ANTXR2: variants seen among roughly 807,000 people sequenced by gnomAD.
ANTXR2 encodes anthrax toxin receptor 2.
ANTXR2 carries 44 observed loss-of-function variants against 73.7 expected under a neutral mutation model. That is an observed-to-expected ratio of 0.60 (90% CI 0.47 to 0.77). The LOEUF (loss-of-function observed/expected upper bound fraction) is 0.77, where lower values mean the gene tolerates loss of function less well. Ranked by LOEUF, ANTXR2 falls within the 30% of genes least tolerant of loss-of-function variation. ANTXR2 has a pLI of 0.00. For missense variants in ANTXR2, 604 were observed against 592.5 expected (o/e 1.02, Z -0.20); for synonymous variants, 217 against 205.9 (o/e 1.05, Z -0.46).
At chr4:79,989,266 A>G (rs1287900857) in intron 12 of ANTXR2, among the ~76,000 whole-genome samples, 1 of 152,110 alleles carries the variant, frequency 6.6e-6, no homozygotes, top group Non-Finnish European at 1.5e-5. Context: ...TAAATAAAAA[A>G]AAGAAGATCC....
chr4:79,933,547 A>G (rs779197728), intron 16 of ANTXR2, among the ~76,000 whole-genome samples: 9 of 151,210 alleles, frequency 6.0e-5, no homozygotes, highest in Non-Finnish European at 4.4e-5. Flanking sequence ...GTTTTGTTTT[A>G]TTTTATTATT....
At chr4:79,960,877 T>C (rs1323688860) in intron 16 of ANTXR2, among the ~76,000 whole-genome samples, 3 of 151,978 alleles carry the variant, frequency 2.0e-5, no homozygotes, top group Non-Finnish European at 2.9e-5. Flanking sequence ...CAAATCCTAG[T>C]GTTTTATTTA....
chr4:79,921,937 T>A (rs1208005677), intron 16 of ANTXR2, among the ~76,000 whole-genome samples: 1 of 152,032 alleles, frequency 6.6e-6, no homozygotes, highest in Non-Finnish European at 1.5e-5. Context: ...ATTTATTACA[T>A]CTAGTAATAA....
At chr4:79,966,491 T>C (rs1286684858) in intron 16 of ANTXR2, among the ~76,000 whole-genome samples, 1 of 152,194 alleles carries the variant, frequency 6.6e-6, no homozygotes, top group Non-Finnish European at 1.5e-5. Context: ...AAATTAGCTG[T>C]GCCAAATATA....
chr4:79,959,944 A>C (rs1019434511), intron 16 of ANTXR2, among the ~76,000 whole-genome samples: 7 of 152,212 alleles, frequency 4.6e-5, no homozygotes, highest in Non-Finnish European at 1.0e-4. Flanking sequence ...GAGAGAAATG[A>C]AAGAATTAGA....
At chr4:80,070,057 T>A in intron 2 of ANTXR2, among the ~76,000 whole-genome samples, 1 of 152,236 alleles carries the variant, frequency 6.6e-6, no homozygotes, top group East Asian at 1.9e-4. Flanking sequence ...CATGCTATTT[T>A]CCATTGGCAA....
chr4:79,907,826 G>A (rs2109923906), intron 16 of ANTXR2, among the ~76,000 whole-genome samples: 1 of 152,232 alleles, frequency 6.6e-6, no homozygotes. Flanking sequence ...ATTTTCTTAT[G>A]CAAGCTGATG....
intron 7 of ANTXR2, among the ~76,000 whole-genome samples, chr4:80,041,023 C>A (rs888841837): frequency 6.6e-6 from 1 of 152,046 alleles, no homozygotes; most frequent in Non-Finnish European, 1.5e-5. Context: ...TAATAGTTAA[C>A]CATTCATTGG....
chr4:80,037,437 T>C (rs929305526), intron 7 of ANTXR2, among the ~76,000 whole-genome samples: 1 of 152,178 alleles, frequency 6.6e-6, no homozygotes, highest in Non-Finnish European at 1.5e-5. Flanking sequence ...AACTTTCCAA[T>C]AAACTCAACT....
intron 8 of ANTXR2, 71 bp from the exon 9 acceptor site, chr4:80,033,641 G>T (rs1732809465): frequency 8.5e-7 from 1 of 1,172,564 alleles, no homozygotes; most frequent in Non-Finnish European, 1.2e-6. Context: ...AAGCTGAAAT[G>T]AAAGTATTAA....
chr4:79,959,292 G>A (rs1052978535), intron 16 of ANTXR2, among the ~76,000 whole-genome samples: 6 of 151,818 alleles, frequency 4.0e-5, no homozygotes, highest in South Asian at 4.1e-4. Context: ...TAATTCAAAC[G>A]TTAAATTTCA....
At chr4:79,930,367 T>C (rs1235718269) in intron 16 of ANTXR2, among the ~76,000 whole-genome samples, 1 of 152,194 alleles carries the variant, frequency 6.6e-6, no homozygotes, top group African/African-American at 2.4e-5. Context: ...CACAAGCTAG[T>C]ACTCAAGGAA....
At chr4:79,961,748 C>T (rs534301086) in intron 16 of ANTXR2, among the ~76,000 whole-genome samples, 1 of 152,268 alleles carries the variant, frequency 6.6e-6, no homozygotes, top group East Asian at 1.9e-4. Flanking sequence ...CAAAAGTATT[C>T]TTTCAGAGTG....
chr4:79,911,960 C>T (rs1273621551), intron 16 of ANTXR2, among the ~76,000 whole-genome samples: 3 of 151,782 alleles, frequency 2.0e-5, no homozygotes, highest in African/African-American at 7.3e-5. Context: ...ATCATTGAAT[C>T]ATAAACTTTA....
intron 3 of ANTXR2, among the ~76,000 whole-genome samples, chr4:80,067,272 T>C (rs554602527): frequency 6.6e-6 from 1 of 152,052 alleles, no homozygotes; most frequent in South Asian, 2.1e-4. Context: ...CCCTATTAGA[T>C]TCAACCAATG....
intron 16 of ANTXR2, among the ~76,000 whole-genome samples, chr4:79,951,068 A>G (rs1337408966): frequency 2.0e-5 from 3 of 152,204 alleles, no homozygotes; most frequent in African/African-American, 7.2e-5. Flanking sequence ...ACTGCCTGTC[A>G]CCAAGATAAT....
chr4:79,909,290 T>C (rs1229802865), intron 16 of ANTXR2, among the ~76,000 whole-genome samples: 2 of 152,174 alleles, frequency 1.3e-5, no homozygotes, highest in African/African-American at 4.8e-5. Context: ...TTGTGTTTTA[T>C]CACTTATTAA....
intron 10 of ANTXR2, among the ~76,000 whole-genome samples, chr4:80,023,542 C>A (rs1289751490): frequency 1.3e-5 from 2 of 152,022 alleles, no homozygotes; most frequent in Non-Finnish European, 2.9e-5. Flanking sequence ...CAAAAGAATG[C>A]GATATTAAAT....
chr4:79,952,421 A>T (rs891720079), intron 16 of ANTXR2, among the ~76,000 whole-genome samples: 2 of 151,220 alleles, frequency 1.3e-5, no homozygotes, highest in Non-Finnish European at 3.0e-5. Flanking sequence ...AAAGAAAAAA[A>T]TTTTTTCTCG....
Sources: allele counts gnomAD v4.1 joint callset (sites outside exome capture counted in the v4.1 genomes callset), GRCh38; gene constraint gnomAD v4.1.1; transcripts MANE v1.5; gene names NCBI Gene and HGNC (gene_info 2026-07-23, HGNC 2026-07-21).